Variants in GRIK1 observed in about 807,000 individuals in gnomAD.
The protein encoded by GRIK1 is glutamate receptor ionotropic, kainate 1.
GRIK1 carries 69 observed loss-of-function variants against 105.7 expected under a neutral mutation model. The ratio of observed to expected loss-of-function variants is 0.65; its 90% CI spans 0.54 to 0.80. GRIK1 has a LOEUF of 0.80. Ranked by LOEUF, GRIK1 falls within the 30% of genes least tolerant of loss-of-function variation. The pLI, the probability that GRIK1 is intolerant of heterozygous loss-of-function variation, is 0.00. For synonymous variants in GRIK1, 438 were observed against 431.3 expected (o/e 1.02, Z -0.19); for missense variants, 1,109 against 1,167.3 (o/e 0.95, Z 0.73).
At position 29,578,924 on chromosome 21, in the gene GRIK1, A is replaced by G. The variant is rs185946532; in HGVS notation, c.1913-1743T>C. Among the ~76,000 whole-genome samples, 275 of 152,240 alleles carry G rather than the reference A, an allele frequency of 1.8e-3. 1 individual carries two copies. Among genetic ancestry groups the G allele is most frequent in the Non-Finnish European group, 3.1e-3 (208 of 68,002 alleles). On this transcript the variant is annotated intron_variant, in intron 13 of 17. Transcript: ENST00000327783. ...AGGAAATAAATAACAATTAATAGAT[A>G]TATTTTTCTTAGCTTATGGGTGCAG...
At chr21:29,780,484 A>C (rs2066064747) in intron 1 of GRIK1, among the ~76,000 whole-genome samples, 1 of 152,208 alleles carries the variant, frequency 6.6e-6, no homozygotes, top group African/African-American at 2.4e-5. Context: ...TAAAGCCAAC[A>C]AGTACCCCAG....
intron 1 of GRIK1, among the ~76,000 whole-genome samples, chr21:29,741,229 T>A (rs1378403203): frequency 6.6e-6 from 1 of 152,262 alleles, no homozygotes; most frequent in Non-Finnish European, 1.5e-5. Context: ...TCCTAGGACA[T>A]TAAATGGCTC....
intron 3 of GRIK1, among the ~76,000 whole-genome samples, chr21:29,681,783 A>G (rs896270865): frequency 6.6e-6 from 1 of 152,218 alleles, no homozygotes. Context: ...TGTATTCCAT[A>G]TGCTTAGAAC....
intron 11 of GRIK1, 50 bp downstream of exon 11, chr21:29,588,789 T>C (rs2061286278): frequency 1.0e-6 from 1 of 985,726 alleles, no homozygotes; most frequent in East Asian, 2.4e-5. Flanking sequence ...TTTCCTCTCT[T>C]ACTTTCTCTT....
At position 29,743,555 on chromosome 21, in the gene GRIK1, C is replaced by T. The variant is rs144779189; in HGVS notation, c.119-49492G>A. 3.4e-3 allele frequency among the ~76,000 whole-genome samples: 523 copies of T among 151,958 alleles called. 1 individual carries two copies. Among genetic ancestry groups the T allele is most frequent in the Middle Eastern group, 6.8e-3 (2 of 294 alleles). ...TACTAAAAATACAAAATTAGCTGGG[C>T]GTGGTAGCATGCACCTGTAGTCCTA... On this transcript the variant is annotated intron_variant, in intron 1 of 17. Transcript: ENST00000327783.
intron 7 of GRIK1, among the ~76,000 whole-genome samples, chr21:29,625,900 G>A (rs2062117254): frequency 1.3e-5 from 2 of 152,120 alleles, no homozygotes; most frequent in Admixed American, 6.5e-5. Context: ...GTGAATATGA[G>A]TAAAGTTATG....
At chr21:29,892,377 GGC>G (rs1173395986) in intron 1 of GRIK1, among the ~76,000 whole-genome samples, 1 of 152,226 alleles carries the variant, frequency 6.6e-6, no homozygotes, top group Non-Finnish European at 1.5e-5. Context: ...GTCAAAAGCA[GGC>G]AGTGAGGAGA....
At chr21:29,689,117 C>A (rs2146711253) in intron 3 of GRIK1, among the ~76,000 whole-genome samples, 1 of 150,842 alleles carries the variant, frequency 6.6e-6, no homozygotes, top group African/African-American at 2.4e-5. Context: ...GGGGGTGGTG[C>A]CAGTAAAAGA....
At chr21:29,615,842 C>A (rs1568889805) in intron 7 of GRIK1, among the ~76,000 whole-genome samples, 2 of 152,190 alleles carry the variant, frequency 1.3e-5, no homozygotes, top group Non-Finnish European at 2.9e-5. Context: ...TTTTGCCCAA[C>A]CTCAGTCTCC....
At chr21:29,621,316 A>T (rs2061996399) in intron 7 of GRIK1, among the ~76,000 whole-genome samples, 1 of 152,154 alleles carries the variant, frequency 6.6e-6, no homozygotes, top group Non-Finnish European at 1.5e-5. Context: ...TCTTCCTAAG[A>T]ACACTCAAAT....
Position 29,832,656 on chromosome 21 carries a change from G to A in GRIK1, c.118+106727C>T, listed in dbSNP as rs111846227. On this transcript the variant is annotated intron_variant, in intron 1 of 17. Coordinates refer to ENST00000327783, the MANE Select transcript of GRIK1 (RefSeq NM_001330994.2). ...GAGCTGCTGGGATGCAGGGAACAGC[G>A]TTGTGAGGTTTTACAAGACAGTAGG... Among the ~76,000 whole-genome samples the A allele has an allele frequency of 8.6e-3, 1,309 of 152,280 alleles. 17 individuals carry two copies. The highest frequency in any genetic ancestry group is 0.029 in the African/African-American group (1,224 of 41,568).
At chr21:29,728,144 C>A (rs77967368) in intron 1 of GRIK1, among the ~76,000 whole-genome samples, 1 of 152,174 alleles carries the variant, frequency 6.6e-6, no homozygotes, top group Non-Finnish European at 1.5e-5. Context: ...TATTCCTTAG[C>A]TCAATCAAGT....
At chr21:29,721,662 G>A (rs1390227996) in intron 1 of GRIK1, among the ~76,000 whole-genome samples, 3 of 151,886 alleles carry the variant, frequency 2.0e-5, no homozygotes, top group African/African-American at 7.3e-5. Flanking sequence ...TGTTCCCCAA[G>A]TTTAAAATAC....
chr21:29,768,777 C>A (rs2065739584), intron 1 of GRIK1, among the ~76,000 whole-genome samples: 1 of 152,162 alleles, frequency 6.6e-6, no homozygotes, highest in Non-Finnish European at 1.5e-5. Context: ...TTCTGTTCAC[C>A]ATACACACAT....
Position 29,555,047 on chromosome 21 carries a change from C to T in GRIK1, c.2607+5G>A, listed in dbSNP as rs781643227. ...ACTAACCAGTCCTAGAAAGAGATGA[C>T]TCACCTGTTCAATATCATTATTCTT... On this transcript the variant is annotated splice_donor_5th_base_variant and intron_variant, in intron 16 of 17. Transcript: ENST00000327783. 4 of 1,605,130 alleles carry T rather than the reference C, an allele frequency of 2.5e-6. No individual in the cohort carries two copies. The highest frequency in any genetic ancestry group is 3.4e-6 in the Non-Finnish European group (4 of 1,172,568).
At chr21:29,861,516 C>T (rs966377389) in intron 1 of GRIK1, among the ~76,000 whole-genome samples, 1 of 152,012 alleles carries the variant, frequency 6.6e-6, no homozygotes, top group African/African-American at 2.4e-5. Context: ...TCATATTGCC[C>T]AGGCTGGTCT....
intron 1 of GRIK1, among the ~76,000 whole-genome samples, chr21:29,760,767 T>C (rs1231878100): frequency 6.6e-6 from 1 of 152,226 alleles, no homozygotes; most frequent in East Asian, 1.9e-4. Context: ...AGTCACTTTA[T>C]ACAGTTAAAG....
chr21:29,582,290 T>A (rs2091038802), intron 12 of GRIK1: 1 of 465,490 alleles, frequency 2.1e-6, no homozygotes, highest in Non-Finnish European at 4.4e-6. Flanking sequence ...TTCCTTTTGA[T>A]TTGTTTTAAA....
chr21:29,790,290 G>A (rs2066377424), intron 1 of GRIK1, among the ~76,000 whole-genome samples: 1 of 151,974 alleles, frequency 6.6e-6, no homozygotes, highest in South Asian at 2.1e-4. Context: ...CTCATGATCT[G>A]CCCACCTCGG....
Sources: gnomAD v4.1 joint callset for allele counts (sites outside exome capture counted in the v4.1 genomes callset) on GRCh38, gnomAD v4.1.1 for gene constraint, MANE v1.5 for transcripts, NCBI Gene and HGNC (gene_info 2026-07-23, HGNC 2026-07-21) for gene names.